Variants in MYO7B observed in about 807,000 individuals in gnomAD.
The protein encoded by MYO7B is unconventional myosin-VIIb.
In MYO7B, 212 loss-of-function variants were observed where a neutral mutation model predicts 259.7. The observed-to-expected ratio is 0.82, with a 90% CI of 0.73 to 0.91. The LOEUF is 0.91. Among genes scored for constraint, MYO7B ranks in the 40% least tolerant of loss-of-function variants. MYO7B has a pLI of 0.00. For synonymous variants in MYO7B, 1,197 were observed against 1,166.4 expected (o/e 1.03, Z -0.54); for missense variants, 2,732 against 2,813.5 (o/e 0.97, Z 0.66).
In MYO7B at chr2:127,627,052, G is replaced by T; in HGVS notation, c.4293G>T (p.Pro1431=). ...TGGACGCCGCCCGCCTGCAGTGGCC[G>T]CTGCTCTTCTCCCGGCTCTTCGAAG... The part of the protein sequence containing the change: ...QVVDAARLQW[P]LLFSRLFEVI... The change falls in exon 32 of 48, where the codon CCG becomes CCT. Residue 1431 remains proline (P), a synonymous_variant. Transcript: ENST00000409816. The surrounding 1 kb of genome is among the most constrained non-coding windows in gnomAD (Gnocchi z 5.6). 2 of 1,612,020 alleles carry T rather than the reference G, an allele frequency of 1.2e-6. No homozygotes were observed. The highest frequency in any genetic ancestry group is 1.7e-6 in the Non-Finnish European group (2 of 1,179,464).
chr2:127,613,316 T>C lies in MYO7B; in HGVS notation c.3398+713T>C, dbSNP rs1680458591. Among the ~76,000 whole-genome samples, 1 of 152,218 alleles carries C rather than the reference T, an allele frequency of 6.6e-6. No individual in the cohort carries two copies. The highest frequency in any genetic ancestry group is 6.5e-5 in the Admixed American group (1 of 15,294). ...ATTGGATAGTTTCTATTGACCTGTCTTCAAATTTACTGATCTTTTGTCTTC... is the reference window on the plus strand; with the variant it reads ...ATTGGATAGTTTCTATTGACCTGTCCTCAAATTTACTGATCTTTTGTCTTC... On this transcript the variant is annotated intron_variant, in intron 26 of 47. Transcript: ENST00000409816. The surrounding 1 kb of genome is among the most constrained non-coding windows in gnomAD (Gnocchi z 4.3).
chr2:127,605,969 G>A (rs909476025), intron 20 of MYO7B, 41 bp downstream of exon 20: 19 of 1,514,246 alleles, frequency 1.3e-5, no homozygotes, highest in Admixed American at 8.6e-5. Flanking sequence ...CGGGACCAGC[G>A]GGTAACTGTC....
At chr2:127,553,123 C>T (rs1236527488) in intron 1 of MYO7B, among the ~76,000 whole-genome samples, 1 of 152,228 alleles carries the variant, frequency 6.6e-6, no homozygotes, top group East Asian at 1.9e-4. Context: ...AGGGCTTCAT[C>T]TGCTCTTTCA....
chr2:127,593,715 C>G, intron 18 of MYO7B, 71 bp downstream of exon 18: 1 of 1,421,184 alleles, frequency 7.0e-7, no homozygotes, highest in Non-Finnish European at 9.9e-7. Context: ...TTGCACCAGG[C>G]CCGGGGTCCA....
chr2:127,584,423 G>T lies in MYO7B; in HGVS notation c.1554+91G>T. On this transcript the variant is annotated intron_variant, in intron 13 of 47. Transcript: ENST00000409816. This position sits in a 1 kb window ranked among gnomAD's most constrained non-coding sequence, Gnocchi z 5.8. ...GAAACTCCATTTGGGTGGGCCACTT[G>T]TTCTGAGAGTCACTAAAACCTCTGC... The T allele has an allele frequency of 7.4e-7, 1 of 1,350,664 alleles. No homozygotes were observed. The highest frequency in any genetic ancestry group is 1.0e-6 in the Non-Finnish European group (1 of 971,124). The allele number at this position is 1,350,664 out of a possible 1,614,324, so 83.7% of individuals were successfully genotyped here. A position where few individuals can be genotyped will look rare whatever the true frequency, so the allele number is the denominator to read the frequency against.
intron 36 of MYO7B, 95 bp downstream of exon 36, chr2:127,631,003 T>C (rs1282139856): frequency 2.2e-6 from 3 of 1,365,178 alleles, no homozygotes; most frequent in Admixed American, 4.4e-5. Context: ...CTCCACCTCA[T>C]TGCACCCACT....
At chr2:127,596,804 G>A (rs112316764) in intron 19 of MYO7B, among the ~76,000 whole-genome samples, 2,847 of 152,348 alleles carry the variant, frequency 0.019, 43 homozygotes, top group Non-Finnish European at 0.031. Flanking sequence ...GAATGAAGGG[G>A]CAGCCCCGCT....
In MYO7B at chr2:127,565,528, A is replaced by G. The variant is rs1005513247; in HGVS notation, c.285+143A>G. The G allele has an allele frequency of 1.7e-5, 19 of 1,134,884 alleles. No individual in the cohort carries two copies. In the African/African-American group the frequency reaches 2.2e-4, roughly 13 times the overall value. The allele number at this position is 1,134,884 out of a possible 1,614,324, so 70.3% of individuals were successfully genotyped here. On this transcript the variant is annotated intron_variant, in intron 4 of 47. Coordinates refer to ENST00000409816, the MANE Select transcript of MYO7B (RefSeq NM_001393586.1). ...TGGGCGAGGTGCCTAACTTTTCCCA[A>G]TCTCTGCTGCCCAGTCCCAAACAAG...
chr2:127,635,314 C>A, intron 43 of MYO7B, 88 bp downstream of exon 43: 2 of 1,281,142 alleles, frequency 1.6e-6, no homozygotes, highest in Non-Finnish European at 2.2e-6. Flanking sequence ...CAGGCCAGGG[C>A]AGGGCCAGCC....
chr2:127,566,764 C>T lies in MYO7B; in HGVS notation c.407C>T (p.Ala136Val). ...GGCGAGCTGCCCCCGCATGTCTTTG[C>T]CATCGCCAACAACTGCTACTTCAGC... ...HMGELPPHVF[A>V]IANNCYFSMK... The change falls in exon 5 of 48, where the codon GCC (alanine) becomes GTC (valine). Residue 136 changes from alanine (A) to valine (V), a missense_variant. This residue lies in a region of MYO7B where 1,906 missense variants were observed against 2,026.4 expected (regional missense o/e 0.94). Coordinates refer to ENST00000409816, the MANE Select transcript of MYO7B (RefSeq NM_001393586.1). The T allele has an allele frequency of 6.2e-7, 1 of 1,612,622 alleles. No individual in the cohort carries two copies. Among genetic ancestry groups the T allele is most frequent in the Non-Finnish European group, 8.5e-7 (1 of 1,179,838 alleles).
At chr2:127,624,033 G>A (rs771342253) in intron 29 of MYO7B, 60 bp from the exon 30 acceptor site, 48 of 1,449,368 alleles carry the variant, frequency 3.3e-5, no homozygotes, top group African/African-American at 1.5e-4. Context: ...GACGGTGGGC[G>A]TCCCCGTGGG....
In MYO7B at chr2:127,616,647, A is replaced by G. The variant is rs182122848; in HGVS notation, c.3399-3693A>G. ...GAATCTTAGTGAGTTTGTCTCCTCC[A>G]GTTAACGTAACGCACTCCGACTGGG... On this transcript the variant is annotated intron_variant, in intron 26 of 47. Coordinates refer to ENST00000409816, the MANE Select transcript of MYO7B (RefSeq NM_001393586.1). Among the ~76,000 whole-genome samples, 1,192 of 152,338 alleles carry G rather than the reference A, an allele frequency of 7.8e-3. 8 individuals are homozygous for G. Among genetic ancestry groups the G allele is most frequent in the Non-Finnish European group, 0.011 (775 of 68,032 alleles).
chr2:127,609,475 G>A lies in MYO7B; in HGVS notation c.2815-31G>A. 1 of 1,586,150 alleles carries A rather than the reference G, an allele frequency of 6.3e-7. No homozygotes were observed. The highest frequency in any genetic ancestry group is 8.6e-7 in the Non-Finnish European group (1 of 1,165,314). On this transcript the variant is annotated intron_variant, in intron 22 of 47. Transcript: ENST00000409816. The surrounding 1 kb of genome is among the most constrained non-coding windows in gnomAD (Gnocchi z 6.9). ...GGGTTGGTTGTTACCTGAAAGCCCT[G>A]CTGACCCGTGTTCTCCCTCAATGGC...
chr2:127,633,202 G>C, intron 39 of MYO7B, 56 bp from the exon 40 acceptor site: 1 of 1,369,668 alleles, frequency 7.3e-7, no homozygotes, highest in Non-Finnish European at 1.0e-6. Context: ...CGGGGCTGGG[G>C]CATGGGTGAG....
Position 127,636,819 on chromosome 2 carries a change from C to G in MYO7B, c.6233C>G (p.Thr2078Ser). 6.2e-7 allele frequency: 1 copy of G among 1,610,750 alleles called. No homozygotes were observed. The highest frequency in any genetic ancestry group is 8.5e-7 in the Non-Finnish European group (1 of 1,178,220). The stretch of plus-strand genomic sequence containing the variant: ...GACCTGCTCACCACCTATCCCTTCA[C>G]CAAGATCTCCAGCTGGAGCAGCGGC... The part of the protein sequence containing the change: ...TKDLLTTYPF[T>S]KISSWSSGST... The change falls in exon 47 of 48, where the codon ACC (threonine) becomes AGC (serine). Residue 2078 changes from threonine (T) to serine (S), a missense_variant. By Grantham distance (58) the Thr-to-Ser change is moderately conservative (BLOSUM62 1). Coordinates refer to ENST00000409816, the MANE Select transcript of MYO7B (RefSeq NM_001393586.1). The surrounding 1 kb of genome is among the most constrained non-coding windows in gnomAD (Gnocchi z 4.5).
Position 127,593,579 on chromosome 2 carries a change from A to G in MYO7B, c.2179A>G (p.Ile727Val), listed in dbSNP as rs892419585. Reference sequence around the variant, plus strand: ...CAAGCTCCGCCAGATGACCCTGGGCATCACTGACGTGTGGCTGCGGACAGA... The same window carrying G: ...CAAGCTCCGCCAGATGACCCTGGGCGTCACTGACGTGTGGCTGCGGACAGA... ...QGKLRQMTLGITDVWLRTDKD... is the reference protein window; with the variant it reads ...QGKLRQMTLGVTDVWLRTDKD... The change falls in exon 18 of 48, where the codon ATC becomes GTC. Residue 727 changes from isoleucine (I) to valine (V), a missense_variant. Physicochemically the swap from Ile to Val is conservative, Grantham distance 29. This residue lies in a region of MYO7B where 1,906 missense variants were observed against 2,026.4 expected (regional missense o/e 0.94). Transcript: ENST00000409816. 1 of 1,613,670 alleles carries G rather than the reference A, an allele frequency of 6.2e-7. No homozygotes were observed.
Position 127,617,487 on chromosome 2 carries a change from G to GTTTTTTTT in MYO7B, c.3399-2834_3399-2827dup, listed in dbSNP as rs35542480. 5.7e-3 allele frequency among the ~76,000 whole-genome samples: 480 copies of GTTTTTTTT among 84,824 alleles called. 44 individuals carry two copies. The highest frequency in any genetic ancestry group is 0.012 in the South Asian group (20 of 1,732). 55.6% of individuals were successfully genotyped at this position (84,824 alleles called of 152,430 possible). ...ATGCTGCCAGCAGACTTGTAACGGG[G>GTTTTTTTT]TTTTTTTTTTTTTTTTTTTTTTTTT... is the stretch of plus-strand genomic sequence containing the variant. On this transcript the variant is annotated intron_variant, in intron 26 of 47. Transcript: ENST00000409816.
Position 127,553,593 on chromosome 2 carries a change from G to C in MYO7B, c.-23-6107G>C, listed in dbSNP as rs184681107. 5.9e-3 allele frequency among the ~76,000 whole-genome samples: 901 copies of C among 152,270 alleles called. 10 individuals carry two copies. Among genetic ancestry groups the C allele is most frequent in the African/African-American group, 0.02 (851 of 41,540 alleles). ...TGGTGTATAGCAGAGCTACTGATTT[G>C]TGTACATTAATTTTGTATCCCGAAA... On this transcript the variant is annotated intron_variant, in intron 1 of 47. Coordinates refer to ENST00000409816, the MANE Select transcript of MYO7B (RefSeq NM_001393586.1).
chr2:127,557,615 C>T (rs575106353), intron 1 of MYO7B, among the ~76,000 whole-genome samples: 2 of 152,110 alleles, frequency 1.3e-5, no homozygotes, highest in Non-Finnish European at 2.9e-5. Flanking sequence ...TAGTACTCTC[C>T]CCCTTTTGTG....
Sources: gnomAD v4.1 joint callset for allele counts (sites outside exome capture counted in the v4.1 genomes callset) on GRCh38, gnomAD v4.1.1 for gene constraint, gnomAD v4.1.1 regional missense constraint, Gnocchi (gnomAD v3.1) non-coding constraint, MANE v1.5 for transcripts, NCBI Gene and HGNC (gene_info 2026-07-23, HGNC 2026-07-21) for gene names.